The following EXOC6B variants were observed in gnomAD, a reference collection of about 807,000 sequenced individuals.
EXOC6B encodes the protein SEC15 homolog B.
In EXOC6B, 54 loss-of-function variants were observed where a neutral mutation model predicts 113.5. That is an observed-to-expected ratio of 0.48 (90% CI 0.38 to 0.60). The LOEUF (loss-of-function observed/expected upper bound fraction) is 0.60, where lower values mean the gene tolerates loss of function less well. Among genes scored for constraint, EXOC6B ranks in the 20% least tolerant of loss-of-function variants. The probability of loss-of-function intolerance (pLI) is 0.00; values close to 1 mark genes in which losing one functional copy is unlikely to be tolerated. For missense variants in EXOC6B, 797 were observed against 977.5 expected, an observed-to-expected ratio of 0.82 and a Z score of 2.46; for synonymous variants, 357 against 339.0, an observed-to-expected ratio of 1.05 and a Z score of -0.58.
chr2:72,594,385 C>T (rs1384630382), intron 6 of EXOC6B, among the ~76,000 whole-genome samples: 1 of 152,160 alleles, frequency 6.6e-6, no homozygotes, highest in Admixed American at 6.5e-5. Context: ...AAGGCCAATA[C>T]TACCCTAATA....
intron 18 of EXOC6B, among the ~76,000 whole-genome samples, chr2:72,381,664 T>C (rs924890232): frequency 1.3e-5 from 2 of 152,194 alleles, no homozygotes; most frequent in African/African-American, 4.8e-5. Context: ...CTGTGATCCA[T>C]AATGCATATG....
chr2:72,690,360 C>G (rs1385039469), intron 6 of EXOC6B, among the ~76,000 whole-genome samples: 1 of 152,170 alleles, frequency 6.6e-6, no homozygotes, highest in East Asian at 1.9e-4. Flanking sequence ...AGCAGAATAT[C>G]TTACTTTCTA....
At chr2:72,357,778 C>T (rs1007886290) in intron 19 of EXOC6B, among the ~76,000 whole-genome samples, 2 of 151,882 alleles carry the variant, frequency 1.3e-5, no homozygotes, top group Admixed American at 6.6e-5. Context: ...AACACATTAC[C>T]GCTTCTGTTT....
chr2:72,383,122 C>T (rs970214981), intron 18 of EXOC6B, among the ~76,000 whole-genome samples: 1 of 152,098 alleles, frequency 6.6e-6, no homozygotes, highest in African/African-American at 2.4e-5. Context: ...GCAATTGTAA[C>T]AAACGCAAAA....
intron 19 of EXOC6B, among the ~76,000 whole-genome samples, chr2:72,360,244 T>C (rs1410799223): frequency 6.6e-6 from 1 of 151,734 alleles, no homozygotes; most frequent in Non-Finnish European, 1.5e-5. Context: ...TGTGCCACTA[T>C]GCCCAGCCAA....
intron 6 of EXOC6B, among the ~76,000 whole-genome samples, chr2:72,582,783 A>C (rs964312418): frequency 6.6e-6 from 1 of 152,130 alleles, no homozygotes; most frequent in Non-Finnish European, 1.5e-5. Flanking sequence ...CCAAAACGGA[A>C]ATTTAAAATT....
chr2:72,220,194 C>G (rs999768355), intron 20 of EXOC6B, among the ~76,000 whole-genome samples: 1 of 152,164 alleles, frequency 6.6e-6, no homozygotes, highest in Non-Finnish European at 1.5e-5. Context: ...TGCTGGCATT[C>G]GTATTTTCCA....
At position 72,358,459 on chromosome 2, in the gene EXOC6B, TA is replaced by T. The variant is rs554590117; in HGVS notation, c.2122+21269del. Among the ~76,000 whole-genome samples, 17 of 152,258 alleles carry T rather than the reference TA, an allele frequency of 1.1e-4. No individual in the cohort carries two copies. The East Asian group carries it at 3.3e-3, about 29-fold the overall frequency. ...ACAATGACCTCCAGCCCAGTACTCT[TA>T]CCAATGATGATGATGTCTGCTAACA... On this transcript the variant is annotated intron_variant, in intron 19 of 21. Transcript: ENST00000272427.
intron 20 of EXOC6B, among the ~76,000 whole-genome samples, chr2:72,213,065 T>C (rs997794267): frequency 6.6e-6 from 1 of 152,228 alleles, no homozygotes; most frequent in Non-Finnish European, 1.5e-5. Context: ...CAGATACTAC[T>C]AGCTTCTGCT....
chr2:72,295,989 A>C (rs1424819847), intron 20 of EXOC6B, among the ~76,000 whole-genome samples: 2 of 152,144 alleles, frequency 1.3e-5, no homozygotes, highest in African/African-American at 2.4e-5. Flanking sequence ...AATAAATACA[A>C]GGACATCCCC....
chr2:72,665,386 A>C (rs1295805375), intron 6 of EXOC6B, among the ~76,000 whole-genome samples: 1 of 152,218 alleles, frequency 6.6e-6, no homozygotes, highest in Non-Finnish European at 1.5e-5. Flanking sequence ...GACCATGCCC[A>C]AGGCACAGTC....
intron 6 of EXOC6B, among the ~76,000 whole-genome samples, chr2:72,683,313 A>G (rs529871581): frequency 6.6e-6 from 1 of 152,294 alleles, no homozygotes; most frequent in South Asian, 2.1e-4. Context: ...TAAAAAAAAA[A>G]GAGAAAGAAT....
chr2:72,332,326 G>C (rs62149280), intron 20 of EXOC6B, among the ~76,000 whole-genome samples: 5,008 of 152,038 alleles, frequency 0.033, 119 homozygotes, highest in Non-Finnish European at 0.051. Flanking sequence ...TTAATAATAT[G>C]TCTGAAAGAA....
At chr2:72,516,396 C>T (rs548212136) in intron 8 of EXOC6B, among the ~76,000 whole-genome samples, 49 of 152,096 alleles carry the variant, frequency 3.2e-4, no homozygotes, top group African/African-American at 1.1e-3. Context: ...TACAGGTGTG[C>T]GCCACCATGC....
intron 20 of EXOC6B, among the ~76,000 whole-genome samples, chr2:72,247,484 A>G (rs1445385202): frequency 6.6e-6 from 1 of 152,214 alleles, no homozygotes; most frequent in African/African-American, 2.4e-5. Context: ...TAGTGCTTTT[A>G]AAAAAGTTTC....
intron 8 of EXOC6B, among the ~76,000 whole-genome samples, chr2:72,548,438 A>G (rs1703025803): frequency 6.6e-6 from 1 of 152,180 alleles, no homozygotes; most frequent in Non-Finnish European, 1.5e-5. Flanking sequence ...TTATTCAAAG[A>G]GTGCCTTGTT....
At chr2:72,637,832 A>G (rs1392873776) in intron 6 of EXOC6B, among the ~76,000 whole-genome samples, 1 of 152,036 alleles carries the variant, frequency 6.6e-6, no homozygotes, top group African/African-American at 2.4e-5. Context: ...TGGAAATATA[A>G]CATACCAAAA....
At chr2:72,543,960 T>C (rs377686983) in intron 8 of EXOC6B, among the ~76,000 whole-genome samples, 90 of 152,264 alleles carry the variant, frequency 5.9e-4, no homozygotes, top group African/African-American at 2.0e-3. Flanking sequence ...CTACTTAAAA[T>C]ACATTCTTAT....
chr2:72,763,497 G>A (rs964691006), intron 1 of EXOC6B, among the ~76,000 whole-genome samples: 1 of 149,088 alleles, frequency 6.7e-6, no homozygotes, highest in Non-Finnish European at 1.5e-5. Context: ...GTACGATCTT[G>A]GCTCACTGCA....
Sources: gnomAD v4.1 joint callset for allele counts (sites outside exome capture counted in the v4.1 genomes callset) on GRCh38, gnomAD v4.1.1 for gene constraint, MANE v1.5 for transcripts, NCBI Gene and HGNC (gene_info 2026-07-23, HGNC 2026-07-21) for gene names.